PLB1: variants seen among roughly 807,000 people sequenced by gnomAD.
PLB1 encodes the protein phospholipase B1.
A neutral mutation model predicts 227.4 loss-of-function variants in PLB1; 242 were observed. That is an observed-to-expected ratio of 1.06 (90% CI 0.96 to 1.18). PLB1 has a LOEUF of 1.18. Ranked by LOEUF, PLB1 falls within the 50% of genes most tolerant of loss-of-function variation. PLB1 has a pLI of 0.00. For synonymous variants in PLB1, 757 were observed against 682.2 expected, an observed-to-expected ratio of 1.11 and a Z score of -1.71; for missense variants, 1,858 against 1,816.3, an observed-to-expected ratio of 1.02 and a Z score of -0.42.
chr2:28,571,919 GAAAA>G (rs906393690), intron 20 of PLB1, among the ~76,000 whole-genome samples: 1 of 150,014 alleles, frequency 6.7e-6, no homozygotes, highest in Non-Finnish European at 1.5e-5. Flanking sequence ...AGTGACAAAA[GAAAA>G]AAAAATCGAT....
chr2:28,592,872 T>G, intron 32 of PLB1, 153 bp downstream of exon 32: 1 of 655,060 alleles, frequency 1.5e-6, no homozygotes, highest in South Asian at 2.0e-5. Context: ...TTATTTGATT[T>G]GCGGCCACTT....
At chr2:28,565,583 A>G (rs569277849) in intron 19 of PLB1, among the ~76,000 whole-genome samples, 10 of 152,312 alleles carry the variant, frequency 6.6e-5, no homozygotes, top group African/African-American at 2.2e-4. Context: ...GAGAAACTAC[A>G]TAAATGTTTG....
rs756938342 is a variant in PLB1 at position 28,529,716 on chromosome 2, C to T, written c.417-12C>T. The T allele has an allele frequency of 1.1e-5, 17 of 1,613,626 alleles. No homozygotes were observed. The Admixed American group carries it at 2.5e-4, about 24-fold the overall frequency. On this transcript the variant is annotated splice_polypyrimidine_tract_variant and intron_variant, in intron 7 of 57. Coordinates refer to ENST00000327757, the MANE Select transcript of PLB1 (RefSeq NM_153021.5). ...TTAGCCAATTTTTCTCTGTTTCCCT[C>T]CCTCTGCACAGAGACTTGTGGATTC...
At chr2:28,568,806 G>T (rs1295007796) in intron 20 of PLB1, among the ~76,000 whole-genome samples, 1 of 152,182 alleles carries the variant, frequency 6.6e-6, no homozygotes, top group Non-Finnish European at 1.5e-5. Context: ...GTAAGGAAAG[G>T]GGAGAGAATG....
intron 17 of PLB1, among the ~76,000 whole-genome samples, chr2:28,561,931 C>CAT (rs4042625): frequency 0.91 from 138,783 of 152,148 alleles, 63,654 homozygotes; most frequent in East Asian, 0.99. Context: ...CATGCTATAA[C>CAT]AAATGAACCT....
At chr2:28,625,031 C>G (rs755320024) in intron 49 of PLB1, 26 bp from the exon 50 acceptor site, 2 of 1,610,974 alleles carry the variant, frequency 1.2e-6, no homozygotes, top group African/African-American at 2.7e-5. Flanking sequence ...CCGGCACTAA[C>G]GCCCCTCTCT....
chr2:28,603,560 A>G (rs1333442798), intron 39 of PLB1, among the ~76,000 whole-genome samples: 2 of 152,222 alleles, frequency 1.3e-5, no homozygotes, highest in Non-Finnish European at 2.9e-5. Flanking sequence ...CACTCATGTG[A>G]AAGAAGGAGA....
At chr2:28,558,766 TGAA>T (rs1273624896) in intron 17 of PLB1, among the ~76,000 whole-genome samples, 1 of 152,054 alleles carries the variant, frequency 6.6e-6, no homozygotes, top group African/African-American at 2.4e-5. Flanking sequence ...GAAAGAACAC[TGAA>T]GAAGGATAGT....
chr2:28,586,528 G>A (rs1187019749), intron 26 of PLB1, among the ~76,000 whole-genome samples: 2 of 152,090 alleles, frequency 1.3e-5, no homozygotes, highest in Non-Finnish European at 2.9e-5. Context: ...TCTAGACTAG[G>A]CTGCAAACAG....
At chr2:28,506,271 CAG>C (rs1454391779) in intron 1 of PLB1, among the ~76,000 whole-genome samples, 9 of 152,098 alleles carry the variant, frequency 5.9e-5, no homozygotes, top group African/African-American at 2.2e-4. Flanking sequence ...CAACAGGATT[CAG>C]AGAGCTGAGA....
chr2:28,505,049 A>G (rs963132314), intron 1 of PLB1, among the ~76,000 whole-genome samples: 3 of 152,200 alleles, frequency 2.0e-5, no homozygotes, highest in Admixed American at 2.0e-4. Context: ...ACTTCAAACT[A>G]AATTCATGGT....
chr2:28,543,691 A>G (rs536814169), intron 14 of PLB1, among the ~76,000 whole-genome samples: 1 of 152,196 alleles, frequency 6.6e-6, no homozygotes, highest in Non-Finnish European at 1.5e-5. Context: ...CTGCAGCGTG[A>G]TGAAGGCCTG....
At chr2:28,620,570 A>C in intron 47 of PLB1, 30 bp from the exon 48 acceptor site, 1 of 1,599,812 alleles carries the variant, frequency 6.3e-7, no homozygotes, top group East Asian at 2.2e-5. Context: ...TGTTGGTGTG[A>C]GTTTAACAAA....
At chr2:28,609,223 GTT>G (rs1426366204) in intron 43 of PLB1, among the ~76,000 whole-genome samples, 1 of 152,088 alleles carries the variant, frequency 6.6e-6, no homozygotes, top group Non-Finnish European at 1.5e-5. Context: ...CCCGGCCTCT[GTT>G]TTCTTTTCTC....
rs548222187 is a variant in PLB1, at chr2:28,631,600, G to A, written c.3898-436G>A. On this transcript the variant is annotated intron_variant, in intron 54 of 57. Transcript: ENST00000327757. Reference sequence around the variant, plus strand: ...TGGACTCTCCTCCCGCAAAGTTCATGGGCATTTTGGGAGCTGGTGTTGAGA... The same window carrying A: ...TGGACTCTCCTCCCGCAAAGTTCATAGGCATTTTGGGAGCTGGTGTTGAGA... Among the ~76,000 whole-genome samples the A allele has an allele frequency of 2.0e-5, 3 of 152,284 alleles. No individual in the cohort carries two copies. In the East Asian group the frequency reaches 5.8e-4, roughly 29 times the overall value.
chr2:28,531,006 A>G (rs1670938419), intron 8 of PLB1, among the ~76,000 whole-genome samples: 1 of 152,230 alleles, frequency 6.6e-6, no homozygotes, highest in East Asian at 1.9e-4. Flanking sequence ...CACACGGCTA[A>G]TTAGAGCCCA....
chr2:28,519,553 T>C, intron 3 of PLB1, 152 bp from the exon 4 acceptor site: 2 of 607,330 alleles, frequency 3.3e-6, no homozygotes, highest in Non-Finnish European at 5.9e-6. Flanking sequence ...CACTGCCTGG[T>C]CTTTGGCATT....
chr2:28,606,536 G>A lies in PLB1; in HGVS notation c.3098G>A (p.Arg1033Lys). 2 of 1,614,200 alleles carry A rather than the reference G, an allele frequency of 1.2e-6. No homozygotes were observed. The highest frequency in any genetic ancestry group is 1.7e-6 in the Non-Finnish European group (2 of 1,180,036). The change falls in exon 43 of 58, where the codon AGA becomes AAA. Residue 1033 changes from arginine (R) to lysine (K), a missense_variant. Physicochemically the swap from Arg to Lys is conservative, Grantham distance 26. Transcript: ENST00000327757. ...LGSKTETLDL[R>K]AEMPITCPTQ... ...AGCAAAACAGAGACCCTGGACCTGA[G>A]AGCAGAGATGCCCATCACCTGTCCC...
intron 56 of PLB1, among the ~76,000 whole-genome samples, chr2:28,637,543 C>T (rs1412841813): frequency 6.6e-6 from 1 of 152,136 alleles, no homozygotes; most frequent in East Asian, 1.9e-4. Context: ...TTCAAACTTC[C>T]AAAGCCTCCC....
Sources: allele counts gnomAD v4.1 joint callset (sites outside exome capture counted in the v4.1 genomes callset), GRCh38; gene constraint gnomAD v4.1.1; transcripts MANE v1.5; gene names NCBI Gene and HGNC (gene_info 2026-07-23, HGNC 2026-07-21).